The following BSDC1 variants were observed in gnomAD, a reference collection of about 807,000 sequenced individuals.
BSDC1 encodes the protein BSD domain containing 1, also known as BSD domain-containing protein 1.
A neutral mutation model predicts 56.0 loss-of-function variants in BSDC1; 29 were observed. That is an observed-to-expected ratio of 0.52 (90% CI 0.39 to 0.71). BSDC1 has a LOEUF of 0.71. Among genes scored for constraint, BSDC1 ranks in the 30% least tolerant of loss-of-function variants. The pLI is 0.00. For synonymous variants in BSDC1, 210 were observed against 215.3 expected, an observed-to-expected ratio of 0.98 and a Z score of 0.21; for missense variants, 477 against 548.5, an observed-to-expected ratio of 0.87 and a Z score of 1.30.
chr1:32,372,015 A>G (rs1273395212), intron 9 of BSDC1, among the ~76,000 whole-genome samples: 1 of 152,206 alleles, frequency 6.6e-6, no homozygotes, highest in Non-Finnish European at 1.5e-5. Flanking sequence ...GTGGCTGGGA[A>G]GGCTGCATTA....
chr1:32,369,202 T>C, intron 9 of BSDC1: 1 of 1,203,330 alleles, frequency 8.3e-7, no homozygotes, highest in Non-Finnish European at 1.1e-6. Context: ...GAACTTCACA[T>C]CCATGCCAAA....
intron 8 of BSDC1, among the ~76,000 whole-genome samples, chr1:32,377,313 G>T (rs1178216360): frequency 6.6e-6 from 1 of 152,216 alleles, no homozygotes; most frequent in African/African-American, 2.4e-5. Flanking sequence ...AGGCTCAGAA[G>T]TGAGTCAGTT....
At chr1:32,377,872 A>T in intron 8 of BSDC1, 98 bp downstream of exon 8, 1 of 1,184,080 alleles carries the variant, frequency 8.4e-7, no homozygotes, top group Non-Finnish European at 1.2e-6. Flanking sequence ...CTCTTCCCTG[A>T]TGGGCACCAA....
chr1:32,366,723 C>A (rs1641867418), intron 10 of BSDC1, 69 bp from the exon 11 acceptor site: 1 of 1,445,110 alleles, frequency 6.9e-7, no homozygotes, highest in Non-Finnish European at 9.1e-7. Flanking sequence ...CAGACCTAAC[C>A]TCCACTTGCT....
chr1:32,365,264 G>A lies in BSDC1; in HGVS notation c.*1358C>T, dbSNP rs185982591. ...CTTTTCCCAGCTACAAAATACTCTGGGGAGATGCATTATAATTTAAAATAT... is the reference window on the plus strand; with the variant it reads ...CTTTTCCCAGCTACAAAATACTCTGAGGAGATGCATTATAATTTAAAATAT... On this transcript the variant is annotated 3_prime_UTR_variant, in exon 11 of 11. Transcript: ENST00000455895. 2.0e-5 allele frequency: 3 copies of A among 151,696 alleles called. No individual in the cohort carries two copies. The highest frequency in any genetic ancestry group is 6.6e-5 in the Admixed American group (1 of 15,202). 9.4% of individuals were successfully genotyped at this position (151,696 alleles called of 1,614,324 possible). A position where few individuals can be genotyped will look rare whatever the true frequency, so the allele number is the denominator to read the frequency against.
intron 3 of BSDC1, among the ~76,000 whole-genome samples, chr1:32,384,534 G>A (rs1374285320): frequency 2.6e-5 from 4 of 152,014 alleles, no homozygotes; most frequent in Admixed American, 2.0e-4. Context: ...CACAGCATAC[G>A]CTTAATAAAC....
At chr1:32,369,352 TA>T in intron 9 of BSDC1, 2 of 1,267,482 alleles carry the variant, frequency 1.6e-6, no homozygotes, top group South Asian at 1.2e-5. Flanking sequence ...GAAAAAAATT[TA>T]AAAATTAGCC....
chr1:32,381,362 C>T, intron 4 of BSDC1, 94 bp from the exon 5 acceptor site: 1 of 1,245,394 alleles, frequency 8.0e-7, no homozygotes, highest in Admixed American at 2.0e-5. Context: ...AACCACAATC[C>T]AGCTTCTCCC....
chr1:32,389,813 A>ACAC (rs1642804075), intron 2 of BSDC1, among the ~76,000 whole-genome samples: 1 of 146,826 alleles, frequency 6.8e-6, no homozygotes, highest in Non-Finnish European at 1.5e-5. Context: ...CACACACACA[A>ACAC]ATACAAAAAA....
Position 32,386,888 on chromosome 1 carries a change from T to C in BSDC1, c.80A>G (p.Glu27Gly), listed in dbSNP as rs373570467. ...SYQAVKEKSS[E>G]ALEFMKRDLT... ...GTCCCGCTTCATAAACTCCAAGGCTTCAGAGGACTGTGGGAAGACAGAGAG... is the reference window on the plus strand; with the variant it reads ...GTCCCGCTTCATAAACTCCAAGGCTCCAGAGGACTGTGGGAAGACAGAGAG... Residue 27 changes from glutamate to glycine, a missense_variant, in exon 3 of 11, where the codon GAA becomes GGA. Physicochemically the swap from Glu to Gly is moderately conservative, Grantham distance 98. Coordinates refer to ENST00000455895, the MANE Select transcript of BSDC1 (RefSeq NM_018045.8). The C allele has an allele frequency of 5.6e-6, 9 of 1,612,042 alleles. No individual in the cohort carries two copies. The highest frequency in any genetic ancestry group is 5.9e-6 in the Non-Finnish European group (7 of 1,179,894).
chr1:32,369,300 T>C (rs1641980393), intron 9 of BSDC1: 1 of 1,289,542 alleles, frequency 7.8e-7, no homozygotes, highest in Non-Finnish European at 1.0e-6. Context: ...GTCACAGAAA[T>C]CTTCCAGAGG....
At chr1:32,382,484 AAAAC>A (rs914362717) in intron 4 of BSDC1, among the ~76,000 whole-genome samples, 29 of 151,284 alleles carry the variant, frequency 1.9e-4, no homozygotes, top group African/African-American at 5.3e-4. Flanking sequence ...CAAAAAACAA[AAAAC>A]AAACAAAAAA....
intron 4 of BSDC1, among the ~76,000 whole-genome samples, chr1:32,382,124 T>C (rs1417655115): frequency 1.3e-5 from 2 of 150,882 alleles, no homozygotes; most frequent in Non-Finnish European, 2.9e-5. Context: ...ATACTCAGGA[T>C]GCTGAGGCAG....
chr1:32,388,983 T>C (rs1335836355), intron 2 of BSDC1, among the ~76,000 whole-genome samples: 6 of 150,920 alleles, frequency 4.0e-5, no homozygotes, highest in Non-Finnish European at 5.9e-5. Context: ...GAGATGGAGT[T>C]TCGCTCTGTT....
chr1:32,366,427 C>T lies in BSDC1; in HGVS notation c.*195G>A, dbSNP rs201349041. The T allele has an allele frequency of 8.6e-5, 61 of 711,676 alleles. No individual in the cohort carries two copies. Among genetic ancestry groups the T allele is most frequent in the Admixed American group, 6.6e-4 (33 of 49,914 alleles). 44.1% of individuals were successfully genotyped at this position (711,676 alleles called of 1,614,324 possible). A position where few individuals can be genotyped will look rare whatever the true frequency, so the allele number is the denominator to read the frequency against. The stretch of plus-strand genomic sequence containing the variant: ...GTTGGCACAAGTCAGAGTTTCTGGC[C>T]GGGATTTAGAGAGCCCCTTCCCAGG... On this transcript the variant is annotated 3_prime_UTR_variant, in exon 11 of 11. Coordinates refer to ENST00000455895, the MANE Select transcript of BSDC1 (RefSeq NM_018045.8).
chr1:32,380,749 CGCTGCTCTGCAGAAGCAGTCAT>C (rs1642454108), intron 5 of BSDC1, among the ~76,000 whole-genome samples: 1 of 152,168 alleles, frequency 6.6e-6, no homozygotes. Flanking sequence ...CCTGCTGCCC[CGCTGCTCTGCAGAAGCAGTCAT>C]GCTGCTCTCT....
rs550988431 is a variant in BSDC1, at chr1:32,389,704, G to A, written c.73-2809C>T. On this transcript the variant is annotated intron_variant, in intron 2 of 10. Coordinates refer to ENST00000455895, the MANE Select transcript of BSDC1 (RefSeq NM_018045.8). ...GCAGTGGCTGATGCCTGTAATCCCA[G>A]CACTTTGGGAAGCCGAGGCAGGAGG... Among the ~76,000 whole-genome samples, 15 of 152,128 alleles carry A rather than the reference G, an allele frequency of 9.9e-5. No homozygotes were observed. The South Asian group carries it at 3.1e-3, about 32-fold the overall frequency.
intron 2 of BSDC1, among the ~76,000 whole-genome samples, chr1:32,389,956 G>C (rs112163980): frequency 0.028 from 4,101 of 146,340 alleles, 75 homozygotes; most frequent in Non-Finnish European, 0.041. Context: ...CTGGGTAACA[G>C]AGTGAGACCC....
chr1:32,370,624 A>AAC (rs1429562935), intron 9 of BSDC1, among the ~76,000 whole-genome samples: 1 of 151,708 alleles, frequency 6.6e-6, no homozygotes, highest in Non-Finnish European at 1.5e-5. Context: ...TAATGTGGTG[A>AAC]AACCCCATCT....
Sources: allele counts gnomAD v4.1 joint callset (sites outside exome capture counted in the v4.1 genomes callset), GRCh38; gene constraint gnomAD v4.1.1; transcripts MANE v1.5; gene names NCBI Gene and HGNC (gene_info 2026-07-23, HGNC 2026-07-21).